TRPM1: variants seen among roughly 807,000 people sequenced by gnomAD.
TRPM1 encodes the protein transient receptor potential cation channel subfamily M member 1.
In TRPM1, 113 loss-of-function variants were observed where a neutral mutation model predicts 149.4. The observed-to-expected ratio is 0.76, with a 90% CI of 0.65 to 0.88. The LOEUF is 0.88. Ranked by LOEUF, TRPM1 falls within the 40% of genes least tolerant of loss-of-function variation. The pLI is 0.00. For missense variants in TRPM1, 1,976 were observed against 2,038.7 expected (o/e 0.97, Z 0.59); for synonymous variants, 741 against 759.5 (o/e 0.98, Z 0.40).
chr15:31,071,978 A>AT (rs1226102723), intron 3 of TRPM1, among the ~76,000 whole-genome samples: 1 of 62,390 alleles, frequency 1.6e-5, no homozygotes, highest in African/African-American at 6.5e-5. Context: ...AAAAAAAAAA[A>AT]ACATATATAT....
chr15:31,040,463 G>A lies in TRPM1; in HGVS notation c.2088-117C>T. 1 of 845,740 alleles carries A rather than the reference G, an allele frequency of 1.2e-6. No individual in the cohort carries two copies. Among genetic ancestry groups the A allele is most frequent in the South Asian group, 1.4e-5 (1 of 69,824 alleles). 52.4% of individuals were successfully genotyped at this position (845,740 alleles called of 1,614,324 possible). A position where few individuals can be genotyped will look rare whatever the true frequency, so the allele number is the denominator to read the frequency against. On this transcript the variant is annotated intron_variant, in intron 17 of 27. Transcript: ENST00000256552. The surrounding 1 kb of genome is among the most constrained non-coding windows in gnomAD (Gnocchi z 4.2). The stretch of plus-strand genomic sequence containing the variant: ...GGGACACAGTATCCTTCACTGGAGG[G>A]GCTCTGAGGTTCTCTGCAAGCAAGA...
In TRPM1 at chr15:31,002,360, G is replaced by T. The variant is rs1450120615; in HGVS notation, c.4340C>A (p.Pro1447His). The change falls in exon 28 of 28, where the codon CCC becomes CAC. Residue 1447 changes from proline to histidine, a missense_variant. By Grantham distance (77) the Pro-to-His change is moderately conservative. Coordinates refer to ENST00000256552, the MANE Select transcript of TRPM1 (RefSeq NM_001252024.2). ...TTTACAAGCATTGATCGTTTCATCG[G>T]GGAAATAGCGTGTAATTTTGGTTTC... ...LEETKITRYF[P>H]DETINACKTM... 6.2e-7 allele frequency: 1 copy of T among 1,614,180 alleles called. No individual in the cohort carries two copies. Among genetic ancestry groups the T allele is most frequent in the African/African-American group, 1.3e-5 (1 of 75,036 alleles).
chr15:31,045,017 C>A (rs2033724868), intron 16 of TRPM1, among the ~76,000 whole-genome samples: 1 of 152,122 alleles, frequency 6.6e-6, no homozygotes, highest in Admixed American at 6.5e-5. Flanking sequence ...GAAATGCACA[C>A]TTCTAAGAAA....
At chr15:31,056,656 G>A (rs1207475634) in intron 11 of TRPM1, among the ~76,000 whole-genome samples, 1 of 152,164 alleles carries the variant, frequency 6.6e-6, no homozygotes, top group African/African-American at 2.4e-5. Flanking sequence ...AAATTGTTTA[G>A]GTTATGAAAT....
intron 3 of TRPM1, among the ~76,000 whole-genome samples, chr15:31,076,466 G>T (rs1041635798): frequency 6.6e-6 from 1 of 152,156 alleles, no homozygotes; most frequent in Non-Finnish European, 1.5e-5. Context: ...GAATAAAATT[G>T]TTGGATGTTT....
chr15:31,075,697 T>C (rs1353141386), intron 3 of TRPM1, among the ~76,000 whole-genome samples: 1 of 152,148 alleles, frequency 6.6e-6, no homozygotes. Flanking sequence ...GCTGCAGCAC[T>C]CTGGAGTAGA....
chr15:31,116,835 C>T (rs907458308), intron 1 of TRPM1, among the ~76,000 whole-genome samples: 4 of 152,134 alleles, frequency 2.6e-5, no homozygotes, highest in African/African-American at 7.2e-5. Context: ...ACAGTGTAAT[C>T]CCTGGCCAGA....
chr15:31,109,133 C>T (rs148240474), intron 1 of TRPM1, among the ~76,000 whole-genome samples: 93 of 151,854 alleles, frequency 6.1e-4, no homozygotes, highest in African/African-American at 2.0e-3. Context: ...AGCTTTGACA[C>T]GCAAGAGGAA....
intron 27 of TRPM1, among the ~76,000 whole-genome samples, chr15:31,004,220 T>C (rs891819485): frequency 6.6e-6 from 1 of 152,160 alleles, no homozygotes; most frequent in African/African-American, 2.4e-5. Flanking sequence ...AGGTCTTTGC[T>C]ACCTTCTCTG....
chr15:31,088,324 C>G (rs188845557), intron 1 of TRPM1, among the ~76,000 whole-genome samples: 6 of 152,206 alleles, frequency 3.9e-5, no homozygotes, highest in African/African-American at 1.2e-4. Context: ...GCAATCCGCT[C>G]GGGTCTCCTT....
intron 24 of TRPM1, 107 bp from the exon 25 acceptor site, chr15:31,028,583 T>C: frequency 7.5e-7 from 1 of 1,329,920 alleles, no homozygotes; most frequent in South Asian, 1.3e-5. Context: ...TATGATTCTT[T>C]CTTATTTCAT....
chr15:31,081,139 A>G (rs914656669), intron 2 of TRPM1, among the ~76,000 whole-genome samples: 1 of 152,138 alleles, frequency 6.6e-6, no homozygotes, highest in African/African-American at 2.4e-5. Context: ...AGATTCCGAA[A>G]AGGAGGGCTT....
Position 31,040,319 on chromosome 15 carries a change from T to C in TRPM1, c.2115A>G (p.Leu705=). Residue 705 remains leucine, a synonymous_variant, in exon 18 of 28, where the codon TTA becomes TTG. Coordinates refer to ENST00000256552, the MANE Select transcript of TRPM1 (RefSeq NM_001252024.2). The surrounding 1 kb of genome is among the most constrained non-coding windows in gnomAD (Gnocchi z 4.2). ...SKDFGQLALE[L]LDQSYKHDEQ... ...CGTCATGCTTATAGGACTGGTCTAA[T>C]AACTCCAAAGCAAGCTGGCCGAAGT... The C allele has an allele frequency of 6.2e-7, 1 of 1,614,194 alleles. No individual in the cohort carries two copies. The highest frequency in any genetic ancestry group is 8.5e-7 in the Non-Finnish European group (1 of 1,180,042).
Position 31,035,684 on chromosome 15 carries a change from A to G in TRPM1, c.2572-10T>C. The G allele has an allele frequency of 1.2e-6, 2 of 1,614,200 alleles. No homozygotes were observed. Among genetic ancestry groups the G allele is most frequent in the Middle Eastern group, 1.6e-4 (1 of 6,062 alleles). The stretch of plus-strand genomic sequence containing the variant: ...AGCCCAAGTATGATATCTGAAAGAA[A>G]GACAAGCTGTTAGCCGTGTTTGGGG... On this transcript the variant is annotated splice_polypyrimidine_tract_variant and intron_variant, in intron 20 of 27. Coordinates refer to ENST00000256552, the MANE Select transcript of TRPM1 (RefSeq NM_001252024.2).
chr15:31,080,646 C>A (rs1477313988), intron 2 of TRPM1, among the ~76,000 whole-genome samples: 10 of 127,866 alleles, frequency 7.8e-5, no homozygotes, highest in Non-Finnish European at 1.3e-4. Context: ...CCCCATCGTC[C>A]TCGACCCCGC....
Position 31,001,118 on chromosome 15 carries a change from A to G in TRPM1, c.*704T>C, listed in dbSNP as rs1399031253. 1 of 152,210 alleles carries G rather than the reference A, an allele frequency of 6.6e-6. No homozygotes were observed. The highest frequency in any genetic ancestry group is 1.5e-5 in the Non-Finnish European group (1 of 68,040). 9.4% of individuals were successfully genotyped at this position (152,210 alleles called of 1,614,324 possible). On this transcript the variant is annotated 3_prime_UTR_variant, in exon 28 of 28. Coordinates refer to ENST00000256552, the MANE Select transcript of TRPM1 (RefSeq NM_001252024.2). ...TTAACAAAACTCTAGGTCACCCTAA[A>G]TTATTAGAGTATGATGTTTGATATA...
chr15:31,116,781 A>ATC (rs2035803519), intron 1 of TRPM1, among the ~76,000 whole-genome samples: 1 of 143,172 alleles, frequency 7.0e-6, no homozygotes, highest in Non-Finnish European at 1.5e-5. Flanking sequence ...GAAAAAAAAG[A>ATC]TGCTGGAGGA....
chr15:31,128,737 C>T (rs964974519), intron 1 of TRPM1, among the ~76,000 whole-genome samples: 6 of 152,350 alleles, frequency 3.9e-5, no homozygotes, highest in African/African-American at 1.2e-4. Flanking sequence ...AGGGCTGGCC[C>T]CTTGGGTGGG....
intron 15 of TRPM1, 107 bp downstream of exon 15, chr15:31,047,004 G>A (rs577552402): frequency 1.6e-5 from 23 of 1,475,354 alleles, no homozygotes; most frequent in Non-Finnish European, 2.2e-5. Context: ...CTGTGCTGGG[G>A]ACAGGGCGAA....
Sources: gnomAD v4.1 joint callset for allele counts (sites outside exome capture counted in the v4.1 genomes callset) on GRCh38, gnomAD v4.1.1 for gene constraint, Gnocchi (gnomAD v3.1) non-coding constraint, MANE v1.5 for transcripts, NCBI Gene and HGNC (gene_info 2026-07-23, HGNC 2026-07-21) for gene names.